CSMD2: variants seen among roughly 807,000 people sequenced by gnomAD.
CSMD2 encodes the protein CUB and Sushi multiple domains 2.
A neutral mutation model predicts 398.5 loss-of-function variants in CSMD2; 130 were observed. The ratio of observed to expected loss-of-function variants is 0.33; its 90% CI spans 0.28 to 0.38. CSMD2 has a LOEUF of 0.38. CSMD2 is among the 10% of genes least tolerant of loss of function. CSMD2 has a pLI of 1.00. For missense variants in CSMD2, 3,829 were observed against 4,764.9 expected, an observed-to-expected ratio of 0.80 and a Z score of 5.78; for synonymous variants, 1,828 against 1,908.5, an observed-to-expected ratio of 0.96 and a Z score of 1.10.
intron 27 of CSMD2, among the ~76,000 whole-genome samples, chr1:33,654,931 G>C (rs1232205180): frequency 6.6e-6 from 1 of 152,228 alleles, no homozygotes; most frequent in Admixed American, 6.5e-5. Flanking sequence ...CAGTGTCTCT[G>C]GGTTCTAGGC....
intron 2 of CSMD2, among the ~76,000 whole-genome samples, chr1:34,048,084 G>C (rs1164387962): frequency 6.6e-6 from 1 of 152,240 alleles, no homozygotes; most frequent in Non-Finnish European, 1.5e-5. Context: ...CCACGTGTCA[G>C]GAGGTTGGCA....
chr1:33,820,189 G>A (rs111830408), intron 8 of CSMD2, among the ~76,000 whole-genome samples: 3 of 152,258 alleles, frequency 2.0e-5, no homozygotes, highest in African/African-American at 7.2e-5. Flanking sequence ...GCCTTCTGGC[G>A]TGTCATTACT....
intron 13 of CSMD2, among the ~76,000 whole-genome samples, chr1:33,755,755 C>A (rs1407521564): frequency 2.0e-5 from 3 of 152,180 alleles, no homozygotes; most frequent in African/African-American, 7.2e-5. Flanking sequence ...AAGTGATCCT[C>A]CCACCTCAGC....
In CSMD2 at chr1:33,709,240, A is replaced by G. The variant is rs1260449069; in HGVS notation, c.3425T>C (p.Val1142Ala). ...CAGCAAAGTACCCTGAGTGCCTGTGACTGAATTCCCACACTCAGCTGGAAA... is the reference window on the plus strand; with the variant it reads ...CAGCAAAGTACCCTGAGTGCCTGTGGCTGAATTCCCACACTCAGCTGGAAA... ...PRCVAECGNS[V>A]TGTQGTLLSP... Residue 1142 changes from valine to alanine, a missense_variant, in exon 22 of 71, where the codon GTC (valine) becomes GCC (alanine). Val to Ala is a moderately conservative substitution (Grantham distance 64, BLOSUM62 0). Coordinates refer to ENST00000373381, the MANE Select transcript of CSMD2 (RefSeq NM_001281956.2). 1.2e-6 allele frequency: 2 copies of G among 1,613,618 alleles called. No homozygotes were observed. Among genetic ancestry groups the G allele is most frequent in the Non-Finnish European group, 1.7e-6 (2 of 1,179,826 alleles).
rs117506363 is a variant in CSMD2, at chr1:33,827,032, C to T, written c.1034-1258G>A. 2.8e-3 allele frequency among the ~76,000 whole-genome samples: 423 copies of T among 152,298 alleles called. 9 individuals are homozygous for T. In the East Asian group the frequency reaches 0.033, roughly 12 times the overall value. ...ACCCACACACAATCCATCAGAAAATCCTTCCAAATATATCCCAAAGGCAAC... is the reference window on the plus strand; with the variant it reads ...ACCCACACACAATCCATCAGAAAATTCTTCCAAATATATCCCAAAGGCAAC... On this transcript the variant is annotated intron_variant, in intron 6 of 70. Transcript: ENST00000373381.
At chr1:33,863,415 T>G (rs1639694468) in intron 5 of CSMD2, 1 of 152,164 alleles carries the variant, frequency 6.6e-6, no homozygotes, top group African/African-American at 2.4e-5. Context: ...TCCATTTCAT[T>G]TTCATGAACT....
intron 3 of CSMD2, among the ~76,000 whole-genome samples, chr1:34,003,843 T>A (rs552937490): frequency 6.6e-6 from 1 of 152,210 alleles, no homozygotes; most frequent in Non-Finnish European, 1.5e-5. Context: ...GAGCTTTAGA[T>A]GGAAGAAGTC....
At chr1:33,746,549 C>A (rs1022396058) in intron 13 of CSMD2, among the ~76,000 whole-genome samples, 5 of 152,170 alleles carry the variant, frequency 3.3e-5, no homozygotes, top group African/African-American at 1.2e-4. Context: ...GCTCCAGGGG[C>A]ACCATTTTGG....
At chr1:34,047,383 C>T (rs899429889) in intron 2 of CSMD2, among the ~76,000 whole-genome samples, 6 of 152,120 alleles carry the variant, frequency 3.9e-5, no homozygotes, top group African/African-American at 1.4e-4. Flanking sequence ...ACCCTTTACA[C>T]CGAGGCTTTG....
intron 1 of CSMD2, among the ~76,000 whole-genome samples, chr1:34,093,195 A>C (rs76208239): frequency 6.6e-6 from 1 of 151,882 alleles, no homozygotes; most frequent in African/African-American, 2.4e-5. Flanking sequence ...GCAGCTGAGG[A>C]TCCTGTCTGT....
At chr1:33,856,085 C>T (rs1639064809) in intron 5 of CSMD2, among the ~76,000 whole-genome samples, 1 of 152,198 alleles carries the variant, frequency 6.6e-6, no homozygotes, top group Non-Finnish European at 1.5e-5. Context: ...AGCAGCAGTG[C>T]TCATGTGTAT....
At chr1:34,146,502 GGAA>G (rs1639777676) in intron 1 of CSMD2, among the ~76,000 whole-genome samples, 2 of 152,170 alleles carry the variant, frequency 1.3e-5, no homozygotes, top group Admixed American at 6.5e-5. Context: ...ACCACCTATT[GGAA>G]GAAGCTAGGA....
intron 5 of CSMD2, among the ~76,000 whole-genome samples, chr1:33,875,042 G>A (rs564558524): frequency 1.3e-5 from 2 of 152,260 alleles, no homozygotes; most frequent in South Asian, 2.1e-4. Flanking sequence ...GGAAAGGGCC[G>A]CCAAGGCCTG....
At chr1:33,598,015 T>C (rs1194475840) in intron 44 of CSMD2, among the ~76,000 whole-genome samples, 3 of 152,122 alleles carry the variant, frequency 2.0e-5, no homozygotes, top group Admixed American at 2.0e-4. Context: ...AGAAATAACA[T>C]GCAAAATTAA....
chr1:33,956,351 C>T (rs899546989), intron 3 of CSMD2, among the ~76,000 whole-genome samples: 1 of 152,174 alleles, frequency 6.6e-6, no homozygotes, highest in Non-Finnish European at 1.5e-5. Context: ...CTGGCAACCA[C>T]CAGTCTACTT....
intron 20 of CSMD2, 42 bp downstream of exon 20, chr1:33,716,244 G>C (rs1646163008): frequency 6.7e-7 from 1 of 1,502,118 alleles, no homozygotes; most frequent in Non-Finnish European, 9.3e-7. Flanking sequence ...AGAGCAAATA[G>C]CACCATGGTC....
At chr1:33,946,178 A>T in intron 3 of CSMD2, among the ~76,000 whole-genome samples, 1 of 152,246 alleles carries the variant, frequency 6.6e-6, no homozygotes, top group South Asian at 2.1e-4. Context: ...CAGAATTTCC[A>T]AAAATTTGAC....
At chr1:33,628,685 A>G (rs1642277815) in intron 32 of CSMD2, among the ~76,000 whole-genome samples, 1 of 152,132 alleles carries the variant, frequency 6.6e-6, no homozygotes, top group Admixed American at 6.5e-5. Context: ...AAAAAAAAAA[A>G]AAATCATTTA....
chr1:34,068,693 T>G (rs528484953), intron 2 of CSMD2, among the ~76,000 whole-genome samples: 94 of 152,330 alleles, frequency 6.2e-4, no homozygotes, highest in Non-Finnish European at 1.1e-3. Flanking sequence ...ATGGTTTGGC[T>G]GTGTCCCCAC....
Sources: allele counts gnomAD v4.1 joint callset (sites outside exome capture counted in the v4.1 genomes callset), GRCh38; gene constraint gnomAD v4.1.1; transcripts MANE v1.5; gene names NCBI Gene and HGNC (gene_info 2026-07-23, HGNC 2026-07-21).